Variants in UBA6 observed in about 807,000 individuals in gnomAD.
UBA6 encodes ubiquitin-like modifier-activating enzyme 6.
UBA6 carries 87 observed loss-of-function variants against 148.3 expected under a neutral mutation model. The ratio of observed to expected loss-of-function variants is 0.59; its 90% confidence interval spans 0.49 to 0.70. UBA6 has a LOEUF of 0.70. Ranked by LOEUF, UBA6 falls within the 30% of genes least tolerant of loss-of-function variation. The pLI, the probability that UBA6 is intolerant of heterozygous loss-of-function variation, is 0.00. For synonymous variants in UBA6, 376 were observed against 401.0 expected, an observed-to-expected ratio of 0.94 and a Z score of 0.75; for missense variants, 1,186 against 1,241.2, an observed-to-expected ratio of 0.96 and a Z score of 0.67.
chr4:67,613,249 T>C lies in UBA6; in HGVS notation c.*5748A>G, dbSNP rs1728570049. ...TCTGTGGAGGATAAAAATATCATTC[T>C]GAGCATCAAGTTATTTCTAGTTTTT... On this transcript the variant is annotated 3_prime_UTR_variant, in exon 33 of 33. Coordinates refer to ENST00000322244, the MANE Select transcript of UBA6 (RefSeq NM_018227.6). 6.6e-6 allele frequency: 1 copy of C among 152,232 alleles called. No individual in the cohort carries two copies. Among genetic ancestry groups the C allele is most frequent in the Admixed American group, 6.5e-5 (1 of 15,288 alleles). 9.4% of individuals were successfully genotyped at this position (152,232 alleles called of 1,614,324 possible).
At chr4:67,637,677 C>T (rs1175802698) in intron 19 of UBA6, among the ~76,000 whole-genome samples, 1 of 152,054 alleles carries the variant, frequency 6.6e-6, no homozygotes, top group African/African-American at 2.4e-5. Context: ...GCTGTGTCCA[C>T]TCAGGGTTAA....
In UBA6 at chr4:67,659,891, C is replaced by T. The variant is rs72642372; in HGVS notation, c.1104+2298G>A. ...AGCCTGAGGCGGTCTCAGATGGAGACGAGGAACCTGTTGGGACTAGAATAA... is the reference window on the plus strand; with the variant it reads ...AGCCTGAGGCGGTCTCAGATGGAGATGAGGAACCTGTTGGGACTAGAATAA... On this transcript the variant is annotated intron_variant, in intron 13 of 32. Transcript: ENST00000322244. Among the ~76,000 whole-genome samples, 838 of 152,156 alleles carry T rather than the reference C, an allele frequency of 5.5e-3. 6 individuals carry two copies. The highest frequency in any genetic ancestry group is 9.1e-3 in the Non-Finnish European group (619 of 68,010).
At position 67,626,279 on chromosome 4, in the gene UBA6, T is replaced by C; in HGVS notation, c.2518+81A>G. On this transcript the variant is annotated intron_variant, in intron 28 of 32. Coordinates refer to ENST00000322244, the MANE Select transcript of UBA6 (RefSeq NM_018227.6). The stretch of plus-strand genomic sequence containing the variant: ...ATCATTATTATTGTTGTGATTAAAT[T>C]CCACAAATTCTTAGGTGTAGAGCTT... The C allele has an allele frequency of 3.8e-6, 3 of 794,678 alleles. No homozygotes were observed. The South Asian group carries it at 4.5e-5, about 12-fold the overall frequency. The allele number at this position is 794,678 out of a possible 1,614,324, so 49.2% of individuals were successfully genotyped here. A position where few individuals can be genotyped will look rare whatever the true frequency, so the allele number is the denominator to read the frequency against.
In UBA6 at chr4:67,649,236, AT is replaced by A. The variant is rs773149318; in HGVS notation, c.1105-26del. ...GCTAAAACAAAAGCCATAAAAGACAATAACATTAACAGCATTTACACAGTAC... is the reference window on the plus strand; with the variant it reads ...GCTAAAACAAAAGCCATAAAAGACAAAACATTAACAGCATTTACACAGTAC... On this transcript the variant is annotated intron_variant, in intron 13 of 32. Transcript: ENST00000322244. 11 of 1,594,130 alleles carry A rather than the reference AT, an allele frequency of 6.9e-6. No individual in the cohort carries two copies. The African/African-American group carries it at 1.4e-4, about 20-fold the overall frequency.
At chr4:67,660,309 T>C (rs1382686948) in intron 13 of UBA6, among the ~76,000 whole-genome samples, 1 of 152,196 alleles carries the variant, frequency 6.6e-6, no homozygotes, top group Non-Finnish European at 1.5e-5. Context: ...TCAGAGGTCT[T>C]CAAGGAAGCT....
intron 5 of UBA6, among the ~76,000 whole-genome samples, chr4:67,678,082 AAT>A (rs1487944936): frequency 6.8e-6 from 1 of 147,232 alleles, no homozygotes; most frequent in Non-Finnish European, 1.5e-5. Flanking sequence ...TTATATATAT[AAT>A]ATATATAAAA....
In UBA6 at chr4:67,613,493, T is replaced by A. The variant is rs1728574279; in HGVS notation, c.*5504A>T. ...ATTAGAAACTGCAGGAGTGACAAAT[T>A]TACATGCTTTCAATTAGAAATATGA... is the stretch of plus-strand genomic sequence containing the variant. On this transcript the variant is annotated 3_prime_UTR_variant, in exon 33 of 33. Coordinates refer to ENST00000322244, the MANE Select transcript of UBA6 (RefSeq NM_018227.6). The A allele has an allele frequency of 6.6e-6, 1 of 152,100 alleles. No homozygotes were observed. The highest frequency in any genetic ancestry group is 1.5e-5 in the Non-Finnish European group (1 of 68,010). The allele number at this position is 152,100 out of a possible 1,614,324, so 9.4% of individuals were successfully genotyped here.
At chr4:67,699,625 G>A (rs1386046206) in intron 1 of UBA6, among the ~76,000 whole-genome samples, 5 of 151,638 alleles carry the variant, frequency 3.3e-5, no homozygotes, top group African/African-American at 1.2e-4. Flanking sequence ...TTTTGAGACA[G>A]GGTCTCTCTC....
intron 13 of UBA6, among the ~76,000 whole-genome samples, chr4:67,661,432 C>T (rs745732330): frequency 5.3e-5 from 8 of 152,158 alleles, no homozygotes; most frequent in Non-Finnish European, 1.2e-4. Flanking sequence ...CCTGCTTGTA[C>T]TCACACTGTC....
chr4:67,675,059 G>A (rs1008507788), intron 6 of UBA6, among the ~76,000 whole-genome samples: 9 of 152,112 alleles, frequency 5.9e-5, no homozygotes, highest in East Asian at 1.9e-4. Flanking sequence ...TAGTAGAGAC[G>A]GGGTTTCGCC....
intron 32 of UBA6, among the ~76,000 whole-genome samples, chr4:67,622,451 C>G (rs541481417): frequency 1.3e-5 from 2 of 152,340 alleles, no homozygotes; most frequent in South Asian, 2.1e-4. Context: ...TAACTGCTAT[C>G]TCCCTAATGA....
intron 7 of UBA6, among the ~76,000 whole-genome samples, chr4:67,671,008 A>G (rs1730135409): frequency 6.6e-6 from 1 of 152,138 alleles, no homozygotes; most frequent in South Asian, 2.1e-4. Flanking sequence ...AGCAGAGTTA[A>G]TGGAAAATAG....
intron 25 of UBA6, among the ~76,000 whole-genome samples, chr4:67,630,890 T>C (rs1482297972): frequency 6.6e-6 from 1 of 152,178 alleles, no homozygotes; most frequent in Non-Finnish European, 1.5e-5. Flanking sequence ...AATGAGTATA[T>C]ATCAAGTTCA....
Position 67,616,194 on chromosome 4 carries a change from TG to T in UBA6, c.*2802del. ...TTTCAGAGAAAGCATTCAGATTATA[TG>T]TTTTTGAATCTATGAAAAGTAAAAT... On this transcript the variant is annotated 3_prime_UTR_variant, in exon 33 of 33. Coordinates refer to ENST00000322244, the MANE Select transcript of UBA6 (RefSeq NM_018227.6). The T allele has an allele frequency of 2.5e-6, 1 of 396,592 alleles. No individual in the cohort carries two copies. Among genetic ancestry groups the T allele is most frequent in the Non-Finnish European group, 4.4e-6 (1 of 224,808 alleles). The allele number at this position is 396,592 out of a possible 1,614,324, so 24.6% of individuals were successfully genotyped here. A position where few individuals can be genotyped will look rare whatever the true frequency, so the allele number is the denominator to read the frequency against.
intron 19 of UBA6, among the ~76,000 whole-genome samples, chr4:67,637,872 C>T (rs1451287774): frequency 6.6e-6 from 1 of 151,786 alleles, no homozygotes; most frequent in Admixed American, 6.6e-5. Flanking sequence ...CTGACCTTCC[C>T]TCCACTATTG....
At chr4:67,655,145 T>C (rs1729654790) in intron 13 of UBA6, among the ~76,000 whole-genome samples, 1 of 152,146 alleles carries the variant, frequency 6.6e-6, no homozygotes, top group Non-Finnish European at 1.5e-5. Flanking sequence ...GACAGAAGGT[T>C]GACAAGGATA....
At chr4:67,693,618 C>T (rs376552924) in intron 2 of UBA6, among the ~76,000 whole-genome samples, 2 of 152,066 alleles carry the variant, frequency 1.3e-5, no homozygotes, top group South Asian at 2.1e-4. Context: ...ACAATAATAA[C>T]TTTTTAGAAG....
In UBA6 at chr4:67,629,122, G is replaced by A. The variant is rs776008537; in HGVS notation, c.2349C>T (p.Leu783=). Residue 783 remains leucine (L), a synonymous_variant, in exon 27 of 33, where the codon CTC becomes CTT. Coordinates refer to ENST00000322244, the MANE Select transcript of UBA6 (RefSeq NM_018227.6). ...TCTTTACTTCTGAAAGAATATTCAA[G>A]AGGGCATCTGCTGATAAGTCCTGTT... ...FAEEDLSADA[L]LNILSEVKIQ... is the part of the protein sequence containing the mutation. The A allele has an allele frequency of 5.0e-6, 8 of 1,608,890 alleles. No homozygotes were observed. In the East Asian group the frequency reaches 1.8e-4, roughly 36 times the overall value.
At position 67,633,353 on chromosome 4, in the gene UBA6, T is replaced by C; in HGVS notation, c.2134A>G (p.Asn712Asp). 6.3e-7 allele frequency: 1 copy of C among 1,596,662 alleles called. No individual in the cohort carries two copies. The highest frequency in any genetic ancestry group is 1.3e-5 in the African/African-American group (1 of 74,158). The part of the protein sequence containing the change: ...LARLKFEKYF[N>D]HKALQLLHCF... Reference sequence around the variant, plus strand: ...TCACAATGCATACTTACCTTATGGTTAAAATATTTTTCAAACTTTAATCTT... The same window carrying C: ...TCACAATGCATACTTACCTTATGGTCAAAATATTTTTCAAACTTTAATCTT... Residue 712 changes from asparagine to aspartate, a missense_variant, in exon 23 of 33, where the codon AAC becomes GAC. Transcript: ENST00000322244.
Sources: gnomAD v4.1 joint callset for allele counts (sites outside exome capture counted in the v4.1 genomes callset) on GRCh38, gnomAD v4.1.1 for gene constraint, MANE v1.5 for transcripts, NCBI Gene and HGNC (gene_info 2026-07-23, HGNC 2026-07-21) for gene names.